TMEM196: variants seen among roughly 807,000 people sequenced by gnomAD.
TMEM196 encodes transmembrane protein 196.
TMEM196 carries 17 observed loss-of-function variants against 20.0 expected under a neutral mutation model. The ratio of observed to expected loss-of-function variants is 0.85; its 90% CI spans 0.58 to 1.27. TMEM196 has a LOEUF of 1.27. TMEM196 is among the 50% of genes most tolerant of loss of function. The pLI is 0.00. For missense variants in TMEM196, 267 were observed against 223.0 expected (o/e 1.20, Z -1.26); for synonymous variants, 113 against 88.9 (o/e 1.27, Z -1.52).
At chr7:19,739,753 A>T (rs551705829) in intron 1 of TMEM196, among the ~76,000 whole-genome samples, 10 of 152,296 alleles carry the variant, frequency 6.6e-5, no homozygotes, top group African/African-American at 2.2e-4. Flanking sequence ...GCTCAACCTC[A>T]TCAGTAATAA....
chr7:19,732,568 A>C (rs1389650373), intron 1 of TMEM196, among the ~76,000 whole-genome samples: 8 of 137,376 alleles, frequency 5.8e-5, no homozygotes, highest in Non-Finnish European at 1.2e-4. Flanking sequence ...TCAAGACTCC[A>C]TCTCAAAAAA....
chr7:19,729,337 G>T (rs2189566), intron 2 of TMEM196, 45 bp downstream of exon 2: 3 of 1,492,864 alleles, frequency 2.0e-6, no homozygotes, highest in Non-Finnish European at 2.7e-6. Context: ...AGAATTTTAC[G>T]TTTCATACAC....
chr7:19,744,085 C>G (rs1254829059), intron 1 of TMEM196, among the ~76,000 whole-genome samples: 3 of 152,018 alleles, frequency 2.0e-5, no homozygotes, highest in East Asian at 3.9e-4. Flanking sequence ...TAAACTTAAG[C>G]TAATAAAAGA....
At chr7:19,726,302 C>G (rs1351209743) in intron 2 of TMEM196, among the ~76,000 whole-genome samples, 1 of 152,150 alleles carries the variant, frequency 6.6e-6, no homozygotes, top group African/African-American at 2.4e-5. Context: ...TCAATAGCTT[C>G]TCTTTGGATT....
intron 1 of TMEM196, among the ~76,000 whole-genome samples, 192 bp downstream of exon 1, chr7:19,772,358 C>CAAAAT (rs1314341508): frequency 7.6e-6 from 1 of 132,372 alleles, no homozygotes; most frequent in Non-Finnish European, 1.6e-5. Context: ...CAAAACAAAA[C>CAAAAT]AAAACAAAAC....
intron 4 of TMEM196, among the ~76,000 whole-genome samples, chr7:19,723,240 A>C (rs900158460): frequency 7.2e-5 from 11 of 152,142 alleles, no homozygotes; most frequent in Admixed American, 3.9e-4. Flanking sequence ...GGAACTCACC[A>C]TTGATGGCAA....
At chr7:19,771,447 C>T (rs1785876890) in intron 1 of TMEM196, among the ~76,000 whole-genome samples, 1 of 152,102 alleles carries the variant, frequency 6.6e-6, no homozygotes, top group South Asian at 2.1e-4. Flanking sequence ...AAAGTTACAG[C>T]ATCTTTCAAA....
chr7:19,767,415 A>G (rs920196276), intron 1 of TMEM196, among the ~76,000 whole-genome samples: 5 of 152,108 alleles, frequency 3.3e-5, no homozygotes, highest in Non-Finnish European at 7.4e-5. Context: ...TATTAATCAT[A>G]TAAGAAAGAG....
At chr7:19,769,993 G>A (rs2128041428) in intron 1 of TMEM196, among the ~76,000 whole-genome samples, 1 of 152,214 alleles carries the variant, frequency 6.6e-6, no homozygotes, top group African/African-American at 2.4e-5. Flanking sequence ...GGAAACTTGG[G>A]CTAGTCACCC....
chr7:19,729,168 GT>G (rs1167578107), intron 2 of TMEM196, among the ~76,000 whole-genome samples: 13 of 151,312 alleles, frequency 8.6e-5, no homozygotes, highest in Non-Finnish European at 7.4e-5. Context: ...GTTTATTAAA[GT>G]TTTTTTACAT....
At chr7:19,758,057 C>T (rs1294624442) in intron 1 of TMEM196, among the ~76,000 whole-genome samples, 2 of 151,302 alleles carry the variant, frequency 1.3e-5, no homozygotes, top group Non-Finnish European at 2.9e-5. Context: ...AGAAAATGCT[C>T]AGATAGCAAA....
intron 1 of TMEM196, among the ~76,000 whole-genome samples, chr7:19,736,512 A>C (rs73274057): frequency 0.058 from 8,818 of 151,192 alleles, 709 homozygotes; most frequent in African/African-American, 0.18. Flanking sequence ...TATTTTAACC[A>C]GTTAAAAATT....
chr7:19,770,688 G>A (rs889676017), intron 1 of TMEM196, among the ~76,000 whole-genome samples: 1 of 152,052 alleles, frequency 6.6e-6, no homozygotes, highest in Admixed American at 6.6e-5. Context: ...AGTTAAAAAA[G>A]GAAATAATTC....
intron 1 of TMEM196, among the ~76,000 whole-genome samples, chr7:19,741,039 A>G (rs1418765029): frequency 1.3e-5 from 2 of 152,192 alleles, no homozygotes; most frequent in Admixed American, 1.3e-4. Flanking sequence ...ATAGTTGCTG[A>G]AATAAAGTCT....
At chr7:19,738,645 A>C (rs894133122) in intron 1 of TMEM196, among the ~76,000 whole-genome samples, 22 of 152,096 alleles carry the variant, frequency 1.4e-4, no homozygotes, top group African/African-American at 5.3e-4. Flanking sequence ...GGTTTGTCAA[A>C]GGGACAAAGG....
At chr7:19,759,570 A>C (rs927718897) in intron 1 of TMEM196, among the ~76,000 whole-genome samples, 2 of 152,034 alleles carry the variant, frequency 1.3e-5, no homozygotes, top group African/African-American at 4.8e-5. Flanking sequence ...TGATCTCACA[A>C]GCATCTCTAC....
At chr7:19,769,455 G>A (rs1562632097) in intron 1 of TMEM196, among the ~76,000 whole-genome samples, 1 of 151,848 alleles carries the variant, frequency 6.6e-6, no homozygotes, top group African/African-American at 2.4e-5. Context: ...CAGAAAAATG[G>A]AAGAGCCTAC....
chr7:19,745,507 A>C (rs969051812), intron 1 of TMEM196, among the ~76,000 whole-genome samples: 2 of 151,846 alleles, frequency 1.3e-5, no homozygotes, highest in Admixed American at 1.3e-4. Flanking sequence ...CACAATCACT[A>C]TCACACTTAG....
chr7:19,752,847 T>C (rs1302199346), intron 1 of TMEM196, among the ~76,000 whole-genome samples: 1 of 152,056 alleles, frequency 6.6e-6, no homozygotes, highest in Non-Finnish European at 1.5e-5. Context: ...ACTCCTGACC[T>C]CGTGATCCAC....
Sources: gnomAD v4.1 joint callset for allele counts (sites outside exome capture counted in the v4.1 genomes callset) on GRCh38, gnomAD v4.1.1 for gene constraint, MANE v1.5 for transcripts, NCBI Gene and HGNC (gene_info 2026-07-23, HGNC 2026-07-21) for gene names.